Variants in PARD3B observed in about 807,000 individuals in gnomAD.
The protein encoded by PARD3B is par-3 family cell polarity regulator beta, also known as partitioning defective 3 homolog B.
A neutral mutation model predicts 130.2 loss-of-function variants in PARD3B; 103 were observed. The ratio of observed to expected loss-of-function variants is 0.79; its 90% CI spans 0.67 to 0.93. The LOEUF is 0.93. Ranked by LOEUF, PARD3B falls within the 40% of genes least tolerant of loss-of-function variation. The pLI, the probability that PARD3B is intolerant of heterozygous loss-of-function variation, is 0.00. For missense variants in PARD3B, 1,609 were observed against 1,499.2 expected, an observed-to-expected ratio of 1.07 and a Z score of -1.21; for synonymous variants, 583 against 553.2, an observed-to-expected ratio of 1.05 and a Z score of -0.76.
chr2:205,378,036 G>C (rs2045137648), intron 18 of PARD3B, among the ~76,000 whole-genome samples: 1 of 152,080 alleles, frequency 6.6e-6, no homozygotes, highest in African/African-American at 2.4e-5. Flanking sequence ...CTCCCAAAGT[G>C]CTGGGATTAC....
chr2:205,131,026 A>G (rs994952068), intron 10 of PARD3B, among the ~76,000 whole-genome samples: 3 of 152,166 alleles, frequency 2.0e-5, no homozygotes, highest in Non-Finnish European at 4.4e-5. Flanking sequence ...AAAAGTTCAC[A>G]TCTTGAAATG....
chr2:204,607,227 G>C (rs1400511455), intron 1 of PARD3B, among the ~76,000 whole-genome samples: 1 of 152,154 alleles, frequency 6.6e-6, no homozygotes, highest in Non-Finnish European at 1.5e-5. Flanking sequence ...GGAAATTATA[G>C]GGGCAGATTA....
intron 2 of PARD3B, among the ~76,000 whole-genome samples, chr2:204,866,386 G>A (rs906081298): frequency 2.6e-5 from 4 of 151,872 alleles, no homozygotes; most frequent in Admixed American, 6.6e-5. Context: ...TACATAGTTA[G>A]TACTTAATAT....
chr2:205,597,037 C>CTT (rs148534363), intron 22 of PARD3B, among the ~76,000 whole-genome samples: 15 of 147,516 alleles, frequency 1.0e-4, no homozygotes, highest in African/African-American at 3.7e-4. Flanking sequence ...GTGCTCATTT[C>CTT]TTTTTTTTTT....
intron 1 of PARD3B, among the ~76,000 whole-genome samples, chr2:204,640,783 T>C (rs1224143817): frequency 4.6e-5 from 7 of 151,910 alleles, no homozygotes; most frequent in African/African-American, 1.7e-4. Flanking sequence ...AGTCAGTAAA[T>C]ATTTATTAAG....
intron 18 of PARD3B, among the ~76,000 whole-genome samples, chr2:205,310,554 T>C (rs60989157): frequency 0.053 from 8,109 of 152,028 alleles, 680 homozygotes; most frequent in African/African-American, 0.18. Flanking sequence ...TGAGTTCGAC[T>C]TTTATACACC....
chr2:204,635,146 C>G (rs1266033983), intron 1 of PARD3B, among the ~76,000 whole-genome samples: 2 of 152,252 alleles, frequency 1.3e-5, no homozygotes, highest in Non-Finnish European at 2.9e-5. Flanking sequence ...CAGTGGAAGC[C>G]TCTTCAAGTT....
In PARD3B at chr2:205,287,403, T is replaced by C. The variant is rs1350882506; in HGVS notation, c.2186-13127T>C. ...GCAGTACTCTCTCGTGCAGTTCTGG[T>C]TCCTCTCTTCAGACTTGATTCTTAC... On this transcript the variant is annotated intron_variant, in intron 16 of 22. Coordinates refer to ENST00000406610, the MANE Select transcript of PARD3B (RefSeq NM_001302769.2). The surrounding 1 kb of genome is among the most constrained non-coding windows in gnomAD (Gnocchi z 4.8). 6.6e-6 allele frequency among the ~76,000 whole-genome samples: 1 copy of C among 152,210 alleles called. No homozygotes were observed. Among genetic ancestry groups the C allele is most frequent in the African/African-American group, 2.4e-5 (1 of 41,464 alleles).
At chr2:204,994,027 C>G (rs1361692210) in intron 3 of PARD3B, among the ~76,000 whole-genome samples, 3 of 150,810 alleles carry the variant, frequency 2.0e-5, no homozygotes, top group East Asian at 2.0e-4. Flanking sequence ...TTTCAAAAAA[C>G]CAGCTCCTGG....
At chr2:205,045,823 A>G (rs1296289968) in intron 3 of PARD3B, among the ~76,000 whole-genome samples, 2 of 152,112 alleles carry the variant, frequency 1.3e-5, no homozygotes, top group African/African-American at 2.4e-5. Context: ...AAACATATAT[A>G]TATGACTCAG....
At chr2:204,587,894 T>C (rs2032898855) in intron 1 of PARD3B, among the ~76,000 whole-genome samples, 2 of 152,168 alleles carry the variant, frequency 1.3e-5, no homozygotes, top group Non-Finnish European at 2.9e-5. Flanking sequence ...TAAGGGGTTT[T>C]CCTCCCACTT....
chr2:205,479,239 G>A (rs1467148371), intron 20 of PARD3B, among the ~76,000 whole-genome samples: 1 of 152,124 alleles, frequency 6.6e-6, no homozygotes, highest in Non-Finnish European at 1.5e-5. Context: ...ATCCTTAAAT[G>A]GCACCATCAT....
rs531267642 is a variant in PARD3B, at chr2:205,144,192, A to G, written c.1435-14530A>G. Among the ~76,000 whole-genome samples, 4 of 152,246 alleles carry G rather than the reference A, an allele frequency of 2.6e-5. No homozygotes were observed. The South Asian group carries it at 6.2e-4, about 24-fold the overall frequency. ...TATTTTGTTTTTTCTTCCTTTTATC[A>G]TGTGATAAATATACTTCAGGCATGT... On this transcript the variant is annotated intron_variant, in intron 10 of 22. Transcript: ENST00000406610.
At chr2:205,549,698 A>G (rs564571068) in intron 21 of PARD3B, among the ~76,000 whole-genome samples, 4 of 152,316 alleles carry the variant, frequency 2.6e-5, no homozygotes, top group Middle Eastern at 3.4e-3. Flanking sequence ...TGGTACAGAA[A>G]TGATGAATAC....
chr2:204,761,632 G>A (rs962645887), intron 2 of PARD3B, among the ~76,000 whole-genome samples: 6 of 150,496 alleles, frequency 4.0e-5, no homozygotes, highest in African/African-American at 1.5e-4. Flanking sequence ...TGGTTTCTTT[G>A]AAATGTAATT....
chr2:205,101,736 G>A (rs1374827997), intron 4 of PARD3B, among the ~76,000 whole-genome samples: 1 of 152,150 alleles, frequency 6.6e-6, no homozygotes, highest in Non-Finnish European at 1.5e-5. Flanking sequence ...CTACAACATG[G>A]ATGAGCTTTT....
chr2:205,208,904 A>G (rs2037469807), intron 15 of PARD3B, among the ~76,000 whole-genome samples: 1 of 138,382 alleles, frequency 7.2e-6, no homozygotes, highest in Admixed American at 7.0e-5. Context: ...AAGAGCCTGC[A>G]TCGCCAAGTC....
At position 205,008,457 on chromosome 2, in the gene PARD3B, T is replaced by G. The variant is rs182291086; in HGVS notation, c.395-39124T>G. ...TTGTTTTCCTTTAAATGGAAAAAAA[T>G]GTGCCTTTCACTGCCCTCAACAACG... On this transcript the variant is annotated intron_variant, in intron 3 of 22. Coordinates refer to ENST00000406610, the MANE Select transcript of PARD3B (RefSeq NM_001302769.2). Among the ~76,000 whole-genome samples the G allele has an allele frequency of 7.0e-4, 107 of 152,280 alleles. 1 individual carries two copies. The highest frequency in any genetic ancestry group is 5.7e-3 in the Admixed American group (87 of 15,296).
chr2:205,374,757 A>T (rs1326115330), intron 18 of PARD3B, among the ~76,000 whole-genome samples: 1 of 152,192 alleles, frequency 6.6e-6, no homozygotes, highest in Non-Finnish European at 1.5e-5. Flanking sequence ...AGAGTTTGAA[A>T]GAACTCTGCT....
Sources: allele counts gnomAD v4.1 joint callset (sites outside exome capture counted in the v4.1 genomes callset), GRCh38; gene constraint gnomAD v4.1.1; non-coding constraint Gnocchi (gnomAD v3.1); transcripts MANE v1.5; gene names NCBI Gene and HGNC (gene_info 2026-07-23, HGNC 2026-07-21).